FAM135A: variants seen among roughly 807,000 people sequenced by gnomAD.
The protein encoded by FAM135A is protein FAM135A.
FAM135A carries 79 observed loss-of-function variants against 146.8 expected under a neutral mutation model. The observed-to-expected ratio is 0.54, with a 90% CI of 0.45 to 0.65. The LOEUF is 0.65. FAM135A is among the 30% of genes least tolerant of loss of function. The pLI is 0.00. For synonymous variants in FAM135A, 562 were observed against 603.6 expected (o/e 0.93, Z 1.01); for missense variants, 1,623 against 1,758.2 (o/e 0.92, Z 1.38).
In FAM135A at chr6:70,475,539, A is replaced by G. The variant is rs1562485892; in HGVS notation, c.287A>G (p.Asp96Gly). The change falls in exon 6 of 22, where the codon GAT becomes GGT. Residue 96 changes from aspartate to glycine, a missense_variant. Physicochemically the swap from Asp to Gly is moderately conservative, Grantham distance 94 (BLOSUM62 -1). Around this residue, in one of 7 missense-constraint regions of FAM135A, gnomAD observed 171 missense variants for 164.9 expected, o/e 1.04. Coordinates refer to ENST00000418814, the MANE Select transcript of FAM135A (RefSeq NM_001162529.3). ...VMIFKVKMLLDERKIEETLEE... is the reference protein window; with the variant it reads ...VMIFKVKMLLGERKIEETLEE... ...ATCTTCAAAGTAAAAATGCTATTGGATGAAAGAAAGGTAAACATCTCTTCA... is the reference window on the plus strand; with the variant it reads ...ATCTTCAAAGTAAAAATGCTATTGGGTGAAAGAAAGGTAAACATCTCTTCA... The G allele has an allele frequency of 2.5e-6, 4 of 1,592,660 alleles. No homozygotes were observed. The highest frequency in any genetic ancestry group is 3.4e-6 in the Non-Finnish European group (4 of 1,169,500).
intron 10 of FAM135A, among the ~76,000 whole-genome samples, chr6:70,486,434 A>G (rs1784667543): frequency 6.6e-6 from 1 of 152,216 alleles, no homozygotes; most frequent in Non-Finnish European, 1.5e-5. Context: ...ATTAATTTGT[A>G]ATATTGAAGT....
intron 20 of FAM135A, among the ~76,000 whole-genome samples, chr6:70,544,122 T>A (rs1274966085): frequency 1.4e-5 from 2 of 147,570 alleles, no homozygotes; most frequent in East Asian, 2.0e-4. Context: ...AAAAAAAAAA[T>A]GAATAAATGA....
chr6:70,520,526 A>G (rs1264311238), intron 12 of FAM135A, among the ~76,000 whole-genome samples: 1 of 152,184 alleles, frequency 6.6e-6, no homozygotes, highest in African/African-American at 2.4e-5. Flanking sequence ...TGAAGCATTA[A>G]CAAATACTTA....
chr6:70,459,443 C>T (rs989482607), intron 5 of FAM135A, among the ~76,000 whole-genome samples: 1 of 152,100 alleles, frequency 6.6e-6, no homozygotes, highest in Non-Finnish European at 1.5e-5. Context: ...TATCTGTCAT[C>T]TGCAATAACA....
intron 2 of FAM135A, among the ~76,000 whole-genome samples, chr6:70,420,104 G>C (rs1768477803): frequency 6.6e-6 from 1 of 152,158 alleles, no homozygotes; most frequent in Non-Finnish European, 1.5e-5. Context: ...AACTGGAGCT[G>C]TTGTCACCAT....
chr6:70,531,750 C>T (rs769180395), intron 16 of FAM135A, among the ~76,000 whole-genome samples: 4 of 152,170 alleles, frequency 2.6e-5, no homozygotes, highest in African/African-American at 4.8e-5. Flanking sequence ...TCTTTGGGGG[C>T]ATTTCCCAAT....
intron 16 of FAM135A, among the ~76,000 whole-genome samples, chr6:70,531,554 C>T (rs1429474411): frequency 1.3e-5 from 2 of 152,138 alleles, no homozygotes; most frequent in African/African-American, 2.4e-5. Context: ...TAGGCTGAAC[C>T]AATTGAGATG....
intron 20 of FAM135A, among the ~76,000 whole-genome samples, chr6:70,542,288 G>A (rs1232538480): frequency 8.1e-6 from 1 of 123,824 alleles, no homozygotes; most frequent in Admixed American, 7.6e-5. Context: ...CCTTTGCTGT[G>A]GTCATGCTAT....
intron 12 of FAM135A, among the ~76,000 whole-genome samples, chr6:70,510,525 A>T (rs569172923): frequency 2.0e-5 from 3 of 152,092 alleles, no homozygotes; most frequent in African/African-American, 7.2e-5. Flanking sequence ...AAATGTAATC[A>T]TACAACATTT....
intron 5 of FAM135A, among the ~76,000 whole-genome samples, chr6:70,453,312 T>C (rs989476857): frequency 1.3e-5 from 2 of 152,180 alleles, no homozygotes; most frequent in Non-Finnish European, 2.9e-5. Context: ...ATTCAGTCCA[T>C]TTTGAAATTT....
At chr6:70,445,245 A>G (rs1775434518) in intron 4 of FAM135A, among the ~76,000 whole-genome samples, 1 of 152,230 alleles carries the variant, frequency 6.6e-6, no homozygotes, top group Non-Finnish European at 1.5e-5. Context: ...GCTCAGCAGC[A>G]GGAATGAGTA....
intron 20 of FAM135A, among the ~76,000 whole-genome samples, chr6:70,538,903 A>T (rs1034478839): frequency 8.0e-6 from 1 of 124,660 alleles, no homozygotes; most frequent in Non-Finnish European, 1.9e-5. Context: ...CTAAACTATT[A>T]ATGATTATCC....
intron 8 of FAM135A, among the ~76,000 whole-genome samples, chr6:70,479,438 C>T (rs1282766696): frequency 6.6e-6 from 1 of 152,158 alleles, no homozygotes; most frequent in Non-Finnish European, 1.5e-5. Flanking sequence ...CCTGTAACAG[C>T]TGAGGTTGCT....
intron 4 of FAM135A, among the ~76,000 whole-genome samples, chr6:70,442,265 T>TA (rs1364155105): frequency 6.8e-6 from 1 of 146,254 alleles, no homozygotes; most frequent in African/African-American, 2.6e-5. Context: ...TTTGCCGAGA[T>TA]ATATCCCGTG....
intron 1 of FAM135A, among the ~76,000 whole-genome samples, chr6:70,414,369 C>T (rs1329301796): frequency 2.0e-5 from 3 of 152,130 alleles, no homozygotes; most frequent in East Asian, 1.9e-4. Context: ...CCCATCTTAG[C>T]TTCGGAAACC....
chr6:70,447,660 G>T (rs964623658), intron 4 of FAM135A, among the ~76,000 whole-genome samples: 1 of 152,184 alleles, frequency 6.6e-6, no homozygotes, highest in African/African-American at 2.4e-5. Context: ...GCCCAGGATG[G>T]GCCCCTCATG....
chr6:70,507,255 G>A (rs78959003), intron 12 of FAM135A, among the ~76,000 whole-genome samples: 2 of 152,234 alleles, frequency 1.3e-5, no homozygotes, highest in East Asian at 3.9e-4. Context: ...AAAAACTGTG[G>A]ACATGGTAGC....
chr6:70,473,173 A>G (rs115496555), intron 5 of FAM135A, among the ~76,000 whole-genome samples: 259 of 152,234 alleles, frequency 1.7e-3, no homozygotes, highest in African/African-American at 6.0e-3. Flanking sequence ...GCTAGCTTCT[A>G]TGCCCTTTTG....
In FAM135A at chr6:70,528,321, T is replaced by G; in HGVS notation, c.3644T>G (p.Leu1215Arg). The G allele has an allele frequency of 6.2e-7, 1 of 1,611,618 alleles. No homozygotes were observed. The highest frequency in any genetic ancestry group is 8.5e-7 in the Non-Finnish European group (1 of 1,179,260). The part of the protein sequence containing the change: ...AFLQAKEELK[L>R]LKLPGFMYSE... ...CTTCAGGCAAAAGAAGAACTGAAGCTACTAAAACTTCCTGGGTTCATGTAC... is the reference window on the plus strand; with the variant it reads ...CTTCAGGCAAAAGAAGAACTGAAGCGACTAAAACTTCCTGGGTTCATGTAC... Residue 1215 changes from leucine (L) to arginine (R), a missense_variant, in exon 16 of 22, where the codon CTA (leucine) becomes CGA (arginine). This residue lies in a region of FAM135A where 1,061 missense variants were observed against 1,113.8 expected (regional missense o/e 0.95). Transcript: ENST00000418814.
Sources: gnomAD v4.1 joint callset for allele counts (sites outside exome capture counted in the v4.1 genomes callset) on GRCh38, gnomAD v4.1.1 for gene constraint, gnomAD v4.1.1 regional missense constraint, MANE v1.5 for transcripts, NCBI Gene and HGNC (gene_info 2026-07-23, HGNC 2026-07-21) for gene names.